The following NBEA variants were observed in gnomAD, a reference collection of about 807,000 sequenced individuals.
NBEA encodes the protein neurobeachin.
In NBEA, 44 loss-of-function variants were observed where a neutral mutation model predicts 343.4. That is an observed-to-expected ratio of 0.13 (90% confidence interval 0.10 to 0.16). The LOEUF is 0.16. Ranked by LOEUF, NBEA falls within the 10% of genes least tolerant of loss-of-function variation. The pLI is 1.00. For missense variants in NBEA, 2,555 were observed against 3,631.3 expected (o/e 0.70, Z 7.62); for synonymous variants, 1,175 against 1,238.7 (o/e 0.95, Z 1.08).
chr13:35,566,970 G>C lies in NBEA; in HGVS notation c.6988G>C (p.Glu2330Gln). The C allele has an allele frequency of 6.2e-7, 1 of 1,612,836 alleles. No homozygotes were observed. The highest frequency in any genetic ancestry group is 1.1e-5 in the South Asian group (1 of 91,048). Residue 2330 changes from glutamate (E) to glutamine (Q), a missense_variant, in exon 45 of 59, where the codon GAA becomes CAA. By Grantham distance (29) the Glu-to-Gln change is conservative. This residue lies in a region of NBEA where 156 missense variants were observed against 185.8 expected (regional missense o/e 0.84). Transcript: ENST00000379939. ...GTGGGTGTTAACCAACTATGAATCA[G>C]AAGAGTTGGACCTGACTCTTCCAGG... The part of the protein sequence containing the change: ...FPWVLTNYES[E>Q]ELDLTLPGNF...
intron 38 of NBEA, among the ~76,000 whole-genome samples, chr13:35,406,963 C>CT (rs551559932): frequency 0.054 from 7,376 of 136,690 alleles, 253 homozygotes; most frequent in African/African-American, 0.071. Flanking sequence ...TTTCTTTGCT[C>CT]TTTTTTTTTT....
rs776131235 is a variant in NBEA at position 35,184,088 on chromosome 13, C to G, written c.4927+17C>G. The G allele has an allele frequency of 6.5e-7, 1 of 1,541,044 alleles. No homozygotes were observed. Among genetic ancestry groups the G allele is most frequent in the South Asian group, 1.1e-5 (1 of 87,368 alleles). ...TTTACAAAGGTAATACTGACCTCAT[C>G]TCCTGACCTGTTTGGGTATTCTTAT... On this transcript the variant is annotated intron_variant, in intron 30 of 58. Transcript: ENST00000379939.
intron 1 of NBEA, among the ~76,000 whole-genome samples, chr13:34,965,288 A>G (rs1221498625): frequency 6.6e-6 from 1 of 152,070 alleles, no homozygotes; most frequent in Non-Finnish European, 1.5e-5. Flanking sequence ...ATTAAAAAAT[A>G]CTAAATAATG....
chr13:35,242,549 G>T (rs1302042629), intron 34 of NBEA, among the ~76,000 whole-genome samples: 3 of 151,840 alleles, frequency 2.0e-5, no homozygotes, highest in Non-Finnish European at 4.4e-5. Flanking sequence ...ACGAACTGAA[G>T]CTCAACAAGC....
At chr13:35,202,898 C>G (rs1430802035) in intron 31 of NBEA, among the ~76,000 whole-genome samples, 1 of 152,104 alleles carries the variant, frequency 6.6e-6, no homozygotes, top group Non-Finnish European at 1.5e-5. Flanking sequence ...AATTTTTTTG[C>G]ATAATCCTTG....
intron 40 of NBEA, among the ~76,000 whole-genome samples, chr13:35,470,860 G>A (rs1268728765): frequency 2.0e-5 from 3 of 152,220 alleles, no homozygotes; most frequent in Non-Finnish European, 2.9e-5. Flanking sequence ...AGAGATTCGG[G>A]CGTAATTACT....
intron 5 of NBEA, among the ~76,000 whole-genome samples, chr13:35,049,916 T>A (rs1359609631): frequency 1.3e-5 from 2 of 151,786 alleles, no homozygotes; most frequent in Admixed American, 6.6e-5. Flanking sequence ...GAGCAGGTTG[T>A]TATTTAAAAT....
At chr13:35,053,342 TTGTA>T (rs1251621075) in intron 6 of NBEA, among the ~76,000 whole-genome samples, 1 of 152,110 alleles carries the variant, frequency 6.6e-6, no homozygotes, top group Non-Finnish European at 1.5e-5. Flanking sequence ...CTGTGCTGTA[TTGTA>T]TTAAGATTCT....
At position 35,566,232 on chromosome 13, in the gene NBEA, G is replaced by A. The variant is rs189763862; in HGVS notation, c.6923-673G>A. 2.2e-4 allele frequency among the ~76,000 whole-genome samples: 33 copies of A among 152,036 alleles called. No homozygotes were observed. In the South Asian group the frequency reaches 2.5e-3, roughly 11 times the overall value. ...AAAAATTAGCCAGGTGCGGTGGCGC[G>A]TGCCTGTAATCCCAGCTACTCAGGA... On this transcript the variant is annotated intron_variant, in intron 44 of 58. Coordinates refer to ENST00000379939, the MANE Select transcript of NBEA (RefSeq NM_001385012.1).
chr13:35,163,242 T>G (rs2069708244), intron 23 of NBEA, among the ~76,000 whole-genome samples: 1 of 152,158 alleles, frequency 6.6e-6, no homozygotes, highest in African/African-American at 2.4e-5. Context: ...AGAAACATCT[T>G]GAAATTTAAG....
At chr13:34,961,718 A>T (rs2059668462) in intron 1 of NBEA, among the ~76,000 whole-genome samples, 1 of 152,070 alleles carries the variant, frequency 6.6e-6, no homozygotes, top group African/African-American at 2.4e-5. Flanking sequence ...TCTATCATAG[A>T]AATCAATTAG....
intron 1 of NBEA, among the ~76,000 whole-genome samples, chr13:34,996,954 C>G (rs532893082): frequency 2.6e-4 from 40 of 152,144 alleles, no homozygotes; most frequent in African/African-American, 8.4e-4. Flanking sequence ...GTCCTGTATT[C>G]AAAGTAGTGT....
intron 41 of NBEA, among the ~76,000 whole-genome samples, chr13:35,506,672 G>T (rs1045158031): frequency 1.3e-5 from 2 of 152,080 alleles, no homozygotes; most frequent in Non-Finnish European, 2.9e-5. Flanking sequence ...GTTAGAATTT[G>T]TGATAAATTA....
At chr13:35,644,291 C>G (rs1467591647) in intron 49 of NBEA, among the ~76,000 whole-genome samples, 1 of 152,192 alleles carries the variant, frequency 6.6e-6, no homozygotes, top group Non-Finnish European at 1.5e-5. Flanking sequence ...GATTGGGGAA[C>G]TCTTTTAAAT....
chr13:35,237,397 G>A (rs1357155149), intron 34 of NBEA, among the ~76,000 whole-genome samples: 1 of 152,128 alleles, frequency 6.6e-6, no homozygotes, highest in African/African-American at 2.4e-5. Context: ...AGAAATGTAT[G>A]TCCTTTTATT....
chr13:35,508,771 A>G (rs2077165090), intron 41 of NBEA, among the ~76,000 whole-genome samples: 1 of 152,190 alleles, frequency 6.6e-6, no homozygotes, highest in South Asian at 2.1e-4. Flanking sequence ...CATCTGATCT[A>G]GGATCTAGGG....
intron 49 of NBEA, among the ~76,000 whole-genome samples, chr13:35,631,612 A>G (rs892432250): frequency 6.9e-6 from 1 of 144,386 alleles, no homozygotes; most frequent in Non-Finnish European, 1.5e-5. Flanking sequence ...TATTTAATAT[A>G]TGAATATCTA....
intron 34 of NBEA, among the ~76,000 whole-genome samples, chr13:35,263,439 C>T (rs528818435): frequency 2.0e-5 from 3 of 151,242 alleles, no homozygotes; most frequent in East Asian, 1.9e-4. Flanking sequence ...AGGACCTAAC[C>T]GACATATTGA....
chr13:35,346,817 G>A lies in NBEA; in HGVS notation c.5904-2291G>A, dbSNP rs1035271710. The stretch of plus-strand genomic sequence containing the variant: ...TATTTAACCTAAATCTTATCAAGGA[G>A]TGATTAAATCTATATCTGAGCAGAC... On this transcript the variant is annotated intron_variant, in intron 36 of 58. Transcript: ENST00000379939. Among the ~76,000 whole-genome samples, 4 of 152,074 alleles carry A rather than the reference G, an allele frequency of 2.6e-5. No individual in the cohort carries two copies. The East Asian group carries it at 5.8e-4, about 22-fold the overall frequency.
Sources: allele counts gnomAD v4.1 joint callset (sites outside exome capture counted in the v4.1 genomes callset), GRCh38; gene constraint gnomAD v4.1.1; regional missense constraint gnomAD v4.1.1; transcripts MANE v1.5; gene names NCBI Gene and HGNC (gene_info 2026-07-23, HGNC 2026-07-21).